TMEM229B: variants seen among roughly 807,000 people sequenced by gnomAD.
TMEM229B encodes the protein chromosome 14 open reading frame 83.
In TMEM229B, 6 loss-of-function variants were observed where a neutral mutation model predicts 13.7. The ratio of observed to expected loss-of-function variants is 0.44; its 90% CI spans 0.24 to 0.86. TMEM229B has a LOEUF of 0.86. TMEM229B is among the 40% of genes least tolerant of loss of function. The pLI, the probability that TMEM229B is intolerant of heterozygous loss-of-function variation, is 0.23. For synonymous variants in TMEM229B, 107 were observed against 102.1 expected, an observed-to-expected ratio of 1.05 and a Z score of -0.29; for missense variants, 170 against 236.0, an observed-to-expected ratio of 0.72 and a Z score of 1.83.
At chr14:67,502,270 G>C (rs2032639133) in intron 1 of TMEM229B, among the ~76,000 whole-genome samples, 1 of 151,702 alleles carries the variant, frequency 6.6e-6, no homozygotes, top group South Asian at 2.1e-4. Context: ...GGTGGAGGTT[G>C]CAGTGAGCCG....
chr14:67,524,031 A>G (rs746128451), intron 1 of TMEM229B, among the ~76,000 whole-genome samples: 12 of 152,162 alleles, frequency 7.9e-5, no homozygotes, highest in Non-Finnish European at 1.5e-4. Flanking sequence ...TTCTGAGTGG[A>G]TAGGCTAAGA....
chr14:67,520,077 A>G (rs2033268818), upstream of TMEM229B, among the ~76,000 whole-genome samples: 1 of 152,192 alleles, frequency 6.6e-6, no homozygotes, highest in African/African-American at 2.4e-5. Context: ...AGAAGAAAGT[A>G]CAGAGATTTC....
intron 2 of TMEM229B, among the ~76,000 whole-genome samples, chr14:67,483,802 G>A (rs17184692): frequency 0.017 from 2,613 of 152,344 alleles, 27 homozygotes; most frequent in Non-Finnish European, 0.019. Context: ...CCAGCCAAGA[G>A]CAGGGGCCAG....
intron 1 of TMEM229B, among the ~76,000 whole-genome samples, chr14:67,520,653 G>A (rs998929682): frequency 6.6e-6 from 1 of 151,028 alleles, no homozygotes; most frequent in African/African-American, 2.4e-5. Context: ...CTCCATGCAG[G>A]TTTTTATGTG....
chr14:67,471,682 A>G lies in TMEM229B; in HGVS notation c.*1738T>C, dbSNP rs1025950638. ...CTGCTCTGGACGGGGCTAACTGCAG[A>G]AAATCCTGCCAAAGGCAGAGTCTGC... On this transcript the variant is annotated 3_prime_UTR_variant, in exon 3 of 3. Transcript: ENST00000554480. 6.6e-6 allele frequency: 1 copy of G among 152,278 alleles called. No homozygotes were observed. Among genetic ancestry groups the G allele is most frequent in the Admixed American group, 6.5e-5 (1 of 15,280 alleles). 9.4% of individuals were successfully genotyped at this position (152,278 alleles called of 1,614,324 possible). A position where few individuals can be genotyped will look rare whatever the true frequency, so the allele number is the denominator to read the frequency against.
Position 67,472,263 on chromosome 14 carries a change from T to C in TMEM229B, c.*1157A>G. ...TGCAAGGTCCTCCTCTCTTTCTTCC[T>C]CTCATTCTCCATCAGTCTCCAATGC... On this transcript the variant is annotated 3_prime_UTR_variant, in exon 3 of 3. Transcript: ENST00000554480. 1 of 152,458 alleles carries C rather than the reference T, an allele frequency of 6.6e-6. No individual in the cohort carries two copies. The highest frequency in any genetic ancestry group is 1.5e-5 in the Non-Finnish European group (1 of 68,118). 9.4% of individuals were successfully genotyped at this position (152,458 alleles called of 1,614,324 possible).
At chr14:67,489,831 G>A (rs1186449535), upstream of TMEM229B, among the ~76,000 whole-genome samples, 2 of 152,124 alleles carry the variant, frequency 1.3e-5, no homozygotes, top group Non-Finnish European at 1.5e-5. Flanking sequence ...TCTACTAAAA[G>A]CACAAAAAAT....
At position 67,528,472 on chromosome 14, in the gene TMEM229B, A is replaced by G. The variant is rs993823868; in HGVS notation, c.-192+5164T>C. 3.3e-5 allele frequency among the ~76,000 whole-genome samples: 5 copies of G among 152,100 alleles called. No individual in the cohort carries two copies. The East Asian group carries it at 7.7e-4, about 23-fold the overall frequency. Reference sequence around the variant, plus strand: ...CCCTGCCCAGTTCCTCCCTCCCCCAATTGATGTGAGCAGCCATTGTTCTCA... The same window carrying G: ...CCCTGCCCAGTTCCTCCCTCCCCCAGTTGATGTGAGCAGCCATTGTTCTCA... On this transcript the variant is annotated intron_variant, in intron 1 of 2. Transcript: ENST00000554278.
At chr14:67,495,382 A>G (rs2032325749) in intron 1 of TMEM229B, among the ~76,000 whole-genome samples, 1 of 152,190 alleles carries the variant, frequency 6.6e-6, no homozygotes, top group African/African-American at 2.4e-5. Flanking sequence ...TTTGGAGTGT[A>G]TCCGTATATG....
chr14:67,491,581 C>T (rs2032171159), upstream of TMEM229B, among the ~76,000 whole-genome samples: 1 of 152,158 alleles, frequency 6.6e-6, no homozygotes, highest in African/African-American at 2.4e-5. Context: ...GACAGGGACC[C>T]GGGACAAAGA....
intron 2 of TMEM229B, among the ~76,000 whole-genome samples, chr14:67,477,917 C>G (rs1391955050): frequency 6.6e-6 from 1 of 152,204 alleles, no homozygotes; most frequent in Non-Finnish European, 1.5e-5. Context: ...ACATCCCCAC[C>G]CTAACATGAG....
chr14:67,492,194 C>T (rs1952960929), upstream of TMEM229B, among the ~76,000 whole-genome samples: 1 of 152,146 alleles, frequency 6.6e-6, no homozygotes, highest in Non-Finnish European at 1.5e-5. Flanking sequence ...TCTCTGGTCC[C>T]ACGTCTATTT....
intron 1 of TMEM229B, among the ~76,000 whole-genome samples, chr14:67,502,081 C>T (rs762325809): frequency 2.0e-5 from 3 of 152,136 alleles, no homozygotes; most frequent in Non-Finnish European, 4.4e-5. Flanking sequence ...ACTTGTAATA[C>T]CAACACTTTG....
At chr14:67,531,457 A>T (rs868112628) in intron 1 of TMEM229B, among the ~76,000 whole-genome samples, 28 of 152,182 alleles carry the variant, frequency 1.8e-4, no homozygotes, top group African/African-American at 5.8e-4. Context: ...CAATGGTGAG[A>T]TGCACTCTAT....
intron 1 of TMEM229B, among the ~76,000 whole-genome samples, chr14:67,496,391 G>GCT (rs2032369205): frequency 1.7e-4 from 5 of 30,108 alleles, no homozygotes; most frequent in African/African-American, 6.5e-4. Flanking sequence ...CTGCTCCGGC[G>GCT]TTTTTTTTTT....
At chr14:67,525,173 C>T (rs1201802726) in intron 1 of TMEM229B, among the ~76,000 whole-genome samples, 1 of 152,166 alleles carries the variant, frequency 6.6e-6, no homozygotes, top group Non-Finnish European at 1.5e-5. Context: ...TTTCTCCACT[C>T]AAAGATAGTC....
chr14:67,504,307 C>T (rs2032735449), intron 1 of TMEM229B, among the ~76,000 whole-genome samples: 1 of 152,184 alleles, frequency 6.6e-6, no homozygotes, highest in African/African-American at 2.4e-5. Flanking sequence ...AGCCACCGTG[C>T]CCAGGCTCAG....
intron 1 of TMEM229B, among the ~76,000 whole-genome samples, chr14:67,522,301 C>A (rs2033303969): frequency 6.6e-6 from 1 of 152,222 alleles, no homozygotes; most frequent in Non-Finnish European, 1.5e-5. Flanking sequence ...AGCAGTCAGC[C>A]TAGATGCTGG....
chr14:67,473,176 A>C lies in TMEM229B; in HGVS notation c.*244T>G, dbSNP rs1299656257. 1.9e-6 allele frequency: 1 copy of C among 540,378 alleles called. No individual in the cohort carries two copies. Among genetic ancestry groups the C allele is most frequent in the Non-Finnish European group, 3.3e-6 (1 of 303,294 alleles). 33.5% of individuals were successfully genotyped at this position (540,378 alleles called of 1,614,324 possible). Reference sequence around the variant, plus strand: ...CAGGCCTCCTGGTACCAACCCCTGAACTGGGCCGCGATCCATGGACCCTTC... The same window carrying C: ...CAGGCCTCCTGGTACCAACCCCTGACCTGGGCCGCGATCCATGGACCCTTC... On this transcript the variant is annotated 3_prime_UTR_variant, in exon 3 of 3. Transcript: ENST00000554480. The surrounding 1 kb of genome is among the most constrained non-coding windows in gnomAD (Gnocchi z 6.5).
Sources: allele counts gnomAD v4.1 joint callset (sites outside exome capture counted in the v4.1 genomes callset), GRCh38; gene constraint gnomAD v4.1.1; non-coding constraint Gnocchi (gnomAD v3.1); transcripts MANE v1.5; gene names NCBI Gene and HGNC (gene_info 2026-07-23, HGNC 2026-07-21).